GRK5: variants seen among roughly 807,000 people sequenced by gnomAD.
The protein encoded by GRK5 is G protein-coupled receptor kinase 5.
Under a neutral mutation model 78.4 loss-of-function variants are expected in GRK5, and 40 were observed. The observed-to-expected ratio is 0.51, with a 90% confidence interval of 0.40 to 0.66. The LOEUF (loss-of-function observed/expected upper bound fraction) is 0.66, where lower values mean the gene tolerates loss of function less well. GRK5 is among the 30% of genes least tolerant of loss of function. GRK5 has a pLI of 0.00. For synonymous variants in GRK5, 289 were observed against 296.8 expected (o/e 0.97, Z 0.27); for missense variants, 598 against 759.9 (o/e 0.79, Z 2.50).
chr10:119,275,832 A>T (rs920848245), intron 1 of GRK5, among the ~76,000 whole-genome samples: 2 of 152,180 alleles, frequency 1.3e-5, no homozygotes, highest in African/African-American at 4.8e-5. Flanking sequence ...AATGAGTGTT[A>T]TGCGCTTAGT....
At chr10:119,257,351 G>A (rs558113815) in intron 1 of GRK5, among the ~76,000 whole-genome samples, 66 of 152,346 alleles carry the variant, frequency 4.3e-4, no homozygotes, top group African/African-American at 1.5e-3. Context: ...AGGCCCCCCT[G>A]TCTGATATAA....
At position 119,319,087 on chromosome 10, in the gene GRK5, CCT is replaced by C. The variant is rs1589742067; in HGVS notation, c.53-7428_53-7427del. Among the ~76,000 whole-genome samples, 3 of 152,322 alleles carry C rather than the reference CCT, an allele frequency of 2.0e-5. No individual in the cohort carries two copies. The East Asian group carries it at 5.8e-4, about 29-fold the overall frequency. ...TTTCCCTGATAGGACATGCCCTCCTCCTGCGGGGCCCCCACCCTCCTTTGTTG... is the reference window on the plus strand; with the variant it reads ...TTTCCCTGATAGGACATGCCCTCCTCGCGGGGCCCCCACCCTCCTTTGTTG... On this transcript the variant is annotated intron_variant, in intron 1 of 15. Coordinates refer to ENST00000392870, the MANE Select transcript of GRK5 (RefSeq NM_005308.3).
intron 10 of GRK5, 21 bp from the exon 11 acceptor site, chr10:119,441,978 T>C (rs1180262983): frequency 6.2e-7 from 1 of 1,605,454 alleles, no homozygotes; most frequent in South Asian, 1.1e-5. Context: ...AGGGACCCAC[T>C]GACCCTGCTG....
chr10:119,305,178 G>T (rs767485750), intron 1 of GRK5, among the ~76,000 whole-genome samples: 9 of 152,114 alleles, frequency 5.9e-5, no homozygotes, highest in Non-Finnish European at 1.2e-4. Flanking sequence ...ACCTCCCTGG[G>T]CTCTGAGCTC....
At chr10:119,350,746 G>C (rs1403881454) in intron 2 of GRK5, among the ~76,000 whole-genome samples, 1 of 152,194 alleles carries the variant, frequency 6.6e-6, no homozygotes, top group Admixed American at 6.5e-5. Flanking sequence ...AAAGCTGTTT[G>C]AGTTTCATGG....
intron 15 of GRK5, among the ~76,000 whole-genome samples, chr10:119,454,149 A>G (rs1023899372): frequency 1.3e-5 from 2 of 152,222 alleles, no homozygotes; most frequent in African/African-American, 4.8e-5. Context: ...CAACGCTTCA[A>G]TGCTTCCATC....
intron 4 of GRK5, among the ~76,000 whole-genome samples, chr10:119,420,480 T>C (rs1852549787): frequency 6.6e-6 from 1 of 152,026 alleles, no homozygotes; most frequent in East Asian, 1.9e-4. Flanking sequence ...TTATACCTTA[T>C]AATATATCAT....
chr10:119,224,471 C>T (rs746638969), intron 1 of GRK5, among the ~76,000 whole-genome samples: 44 of 152,064 alleles, frequency 2.9e-4, no homozygotes, highest in Admixed American at 7.2e-4. Flanking sequence ...TGCAATGGCA[C>T]GATCTCGGCT....
intron 8 of GRK5, among the ~76,000 whole-genome samples, chr10:119,436,424 C>T (rs148196391): frequency 4.5e-4 from 68 of 152,368 alleles, no homozygotes; most frequent in Non-Finnish European, 7.2e-4. Flanking sequence ...TGCCCTAACC[C>T]GCCTTGGCCT....
At chr10:119,453,367 C>T in intron 15 of GRK5, 91 bp downstream of exon 15, 1 of 1,412,048 alleles carries the variant, frequency 7.1e-7, no homozygotes, top group Non-Finnish European at 9.8e-7. Flanking sequence ...AGTAGAGACC[C>T]TTGGAAGGCT....
In GRK5 at chr10:119,228,191, T is replaced by C. The variant is rs1357677643; in HGVS notation, c.52+20222T>C. On this transcript the variant is annotated intron_variant, in intron 1 of 15. Coordinates refer to ENST00000392870, the MANE Select transcript of GRK5 (RefSeq NM_005308.3). ...TCTACAAAAAACAAAAACAAAAAAC[T>C]AAAATTAGCTGGGCATGGTGGTGTG... Among the ~76,000 whole-genome samples, 5 of 151,564 alleles carry C rather than the reference T, an allele frequency of 3.3e-5. No homozygotes were observed. In the East Asian group the frequency reaches 9.7e-4, roughly 29 times the overall value.
Position 119,431,408 on chromosome 10 carries a change from G to T in GRK5, c.619G>T (p.Ala207Ser). Reference sequence around the variant, plus strand: ...GCAGGTCTGTGCCTGCCAGGTTCGGGCCACGGGTAAAATGTATGCCTGCAA... The same window carrying T: ...GCAGGTCTGTGCCTGCCAGGTTCGGTCCACGGGTAAAATGTATGCCTGCAA... ...FGEVCACQVRATGKMYACKRL... is the reference protein window; with the variant it reads ...FGEVCACQVRSTGKMYACKRL... Residue 207 changes from alanine (A) to serine (S), a missense_variant, in exon 8 of 16, where the codon GCC becomes TCC. Transcript: ENST00000392870. This position sits in a 1 kb window ranked among gnomAD's most constrained non-coding sequence, Gnocchi z 4.8. 6.2e-7 allele frequency: 1 copy of T among 1,613,858 alleles called. No individual in the cohort carries two copies.
intron 9 of GRK5, among the ~76,000 whole-genome samples, chr10:119,438,600 G>A (rs1427154088): frequency 2.0e-5 from 3 of 151,550 alleles, no homozygotes; most frequent in Non-Finnish European, 4.4e-5. Context: ...TATTTAAAAA[G>A]AAAAAAGAAA....
intron 1 of GRK5, among the ~76,000 whole-genome samples, chr10:119,227,044 A>G (rs543740988): frequency 1.2e-4 from 18 of 152,204 alleles, no homozygotes; most frequent in Admixed American, 2.6e-4. Context: ...TTTTTAGTAA[A>G]GACGTTTCAC....
intron 2 of GRK5, among the ~76,000 whole-genome samples, chr10:119,335,172 CTCT>C (rs1210900827): frequency 2.5e-4 from 35 of 139,266 alleles, no homozygotes; most frequent in Admixed American, 3.6e-4. Context: ...CTCTCTCTCT[CTCT>C]CCCCCTCTCC....
intron 4 of GRK5, among the ~76,000 whole-genome samples, chr10:119,405,921 A>T (rs1320983254): frequency 2.6e-5 from 4 of 152,242 alleles, no homozygotes; most frequent in Non-Finnish European, 1.5e-5. Context: ...TGTACCAGGA[A>T]CATGCCTGGA....
chr10:119,357,263 G>C (rs1306253951), intron 2 of GRK5, among the ~76,000 whole-genome samples: 1 of 152,240 alleles, frequency 6.6e-6, no homozygotes, highest in Non-Finnish European at 1.5e-5. Flanking sequence ...CACAAATGGG[G>C]GGTAGGGTGG....
At chr10:119,337,117 C>T (rs749740903) in intron 2 of GRK5, among the ~76,000 whole-genome samples, 3 of 152,114 alleles carry the variant, frequency 2.0e-5, no homozygotes, top group Non-Finnish European at 4.4e-5. Context: ...TGATCTAGAC[C>T]AGGCTTTTAC....
intron 1 of GRK5, among the ~76,000 whole-genome samples, chr10:119,226,323 T>C (rs1475313972): frequency 1.4e-5 from 2 of 148,114 alleles, no homozygotes; most frequent in African/African-American, 2.5e-5. Flanking sequence ...ATTTTTTTTT[T>C]TTTTTTGAGA....
Sources: allele counts gnomAD v4.1 joint callset (sites outside exome capture counted in the v4.1 genomes callset), GRCh38; gene constraint gnomAD v4.1.1; non-coding constraint Gnocchi (gnomAD v3.1); transcripts MANE v1.5; gene names NCBI Gene and HGNC (gene_info 2026-07-23, HGNC 2026-07-21).